Variants in SYNJ1 observed in about 807,000 individuals in gnomAD.
SYNJ1 encodes the protein polyphosphatidylinositol phosphatase SYNJ1.
SYNJ1 carries 78 observed loss-of-function variants against 168.2 expected under a neutral mutation model. The ratio of observed to expected loss-of-function variants is 0.46; its 90% CI spans 0.39 to 0.56. The LOEUF (loss-of-function observed/expected upper bound fraction) is 0.56, where lower values mean the gene tolerates loss of function less well. SYNJ1 is among the 20% of genes least tolerant of loss of function. The pLI is 0.00. For missense variants in SYNJ1, 1,303 were observed against 1,597.6 expected (o/e 0.82, Z 3.14); for synonymous variants, 539 against 548.6 (o/e 0.98, Z 0.24).
At chr21:32,638,447 A>G (rs1969590314) in intron 31 of SYNJ1, among the ~76,000 whole-genome samples, 2 of 152,216 alleles carry the variant, frequency 1.3e-5, no homozygotes, top group African/African-American at 4.8e-5. Context: ...CTGTAATCCC[A>G]GCACTTTGGG....
rs538298535 is a variant in SYNJ1, at chr21:32,630,068, G to A, written c.*1737C>T. 3 of 152,364 alleles carry A rather than the reference G, an allele frequency of 2.0e-5. No homozygotes were observed. The highest frequency in any genetic ancestry group is 7.2e-5 in the African/African-American group (3 of 41,578). The allele number at this position is 152,364 out of a possible 1,614,324, so 9.4% of individuals were successfully genotyped here. On this transcript the variant is annotated 3_prime_UTR_variant, in exon 33 of 33. Coordinates refer to ENST00000674351, the MANE Select transcript of SYNJ1 (RefSeq NM_203446.3). ...TATACTCGAACGTACGCAGAGAAGA[G>A]AGTACGGTTAGCTCTAATATTTCTC...
intron 18 of SYNJ1, among the ~76,000 whole-genome samples, chr21:32,663,871 G>A (rs1477299961): frequency 2.6e-5 from 4 of 152,176 alleles, no homozygotes; most frequent in Admixed American, 6.5e-5. Context: ...ATTGGCTCTC[G>A]ACTACTTGCT....
chr21:32,635,012 T>C, intron 31 of SYNJ1, 128 bp from the exon 32 acceptor site: 1 of 892,794 alleles, frequency 1.1e-6, no homozygotes, highest in Non-Finnish European at 1.8e-6. Flanking sequence ...GCAGCAATAT[T>C]TGCAGGTTGT....
At chr21:32,694,169 A>G (rs946563086) in intron 6 of SYNJ1, 59 bp downstream of exon 6, 65 of 1,243,042 alleles carry the variant, frequency 5.2e-5, no homozygotes, top group Non-Finnish European at 6.9e-5. Context: ...CTATCCAGAA[A>G]GTTTAGAAAA....
rs2040913545 is a variant in SYNJ1 at position 32,665,958 on chromosome 21, T to C, written c.2130A>G (p.Lys710=). Residue 710 remains lysine, a synonymous_variant, in exon 17 of 33, where the codon AAA becomes AAG. Coordinates refer to ENST00000674351, the MANE Select transcript of SYNJ1 (RefSeq NM_203446.3). ...RNEDFIEIAR[K]LSFPMGRMLF... is the part of the protein sequence containing the mutation. Reference sequence around the variant, plus strand: ...AAGAGCTTACCATAGGAAAACTCAATTTTCGTGCTATTTCTATAAAATCTT... The same window carrying C: ...AAGAGCTTACCATAGGAAAACTCAACTTTCGTGCTATTTCTATAAAATCTT... The C allele has an allele frequency of 4.4e-6, 7 of 1,608,624 alleles. No individual in the cohort carries two copies. The highest frequency in any genetic ancestry group is 5.9e-6 in the Non-Finnish European group (7 of 1,177,524).
At chr21:32,699,098 G>T (rs764749390) in intron 4 of SYNJ1, among the ~76,000 whole-genome samples, 1 of 151,946 alleles carries the variant, frequency 6.6e-6, no homozygotes, top group East Asian at 1.9e-4. Flanking sequence ...AGGAAAGATG[G>T]ATACACTCAA....
chr21:32,666,610 G>T, intron 15 of SYNJ1, 37 bp from the exon 16 acceptor site: 2 of 1,589,206 alleles, frequency 1.3e-6, no homozygotes, highest in Admixed American at 1.8e-5. Flanking sequence ...TTTTTAAAAA[G>T]GTATTGACAA....
At chr21:32,661,697 A>C (rs762606318) in intron 18 of SYNJ1, among the ~76,000 whole-genome samples, 4 of 152,154 alleles carry the variant, frequency 2.6e-5, no homozygotes, top group Non-Finnish European at 5.9e-5. Flanking sequence ...GTATGTCAGG[A>C]AACAGGATTA....
At chr21:32,708,675 C>A (rs2042704773) in intron 2 of SYNJ1, among the ~76,000 whole-genome samples, 1 of 152,144 alleles carries the variant, frequency 6.6e-6, no homozygotes, top group African/African-American at 2.4e-5. Flanking sequence ...GTACCTAACT[C>A]CCTCTATAGC....
chr21:32,638,426 G>A (rs964925836), intron 31 of SYNJ1, among the ~76,000 whole-genome samples: 2 of 152,198 alleles, frequency 1.3e-5, no homozygotes, highest in African/African-American at 2.4e-5. Context: ...GCTGGGCATG[G>A]TGGCTCACGC....
chr21:32,726,061 A>C (rs1006776335), intron 2 of SYNJ1, among the ~76,000 whole-genome samples: 1 of 152,074 alleles, frequency 6.6e-6, no homozygotes, highest in Non-Finnish European at 1.5e-5. Flanking sequence ...ACTGGTCTCA[A>C]ACTCCCCGCC....
chr21:32,701,333 T>C (rs142368363), intron 3 of SYNJ1, among the ~76,000 whole-genome samples: 1 of 152,172 alleles, frequency 6.6e-6, no homozygotes, highest in South Asian at 2.1e-4. Flanking sequence ...CACCCTTTAG[T>C]TGAGCTGACT....
chr21:32,719,808 A>G (rs563494659), intron 2 of SYNJ1, among the ~76,000 whole-genome samples: 1 of 152,084 alleles, frequency 6.6e-6, no homozygotes, highest in South Asian at 2.1e-4. Context: ...TTACTTATGA[A>G]GAAAATAAAT....
chr21:32,646,304 A>T, intron 24 of SYNJ1, 89 bp downstream of exon 24: 1 of 1,307,750 alleles, frequency 7.6e-7, no homozygotes. Flanking sequence ...GCACTTTATC[A>T]CCTAGGTATG....
At chr21:32,697,758 G>T (rs1440580495) in intron 4 of SYNJ1, among the ~76,000 whole-genome samples, 1 of 152,218 alleles carries the variant, frequency 6.6e-6, no homozygotes, top group Admixed American at 6.5e-5. Context: ...CCAAGATCGC[G>T]CCACTGCGCT....
At position 32,639,033 on chromosome 21, in the gene SYNJ1, G is replaced by T; in HGVS notation, c.3790C>A (p.Leu1264Ile). 1.9e-6 allele frequency: 3 copies of T among 1,614,096 alleles called. No individual in the cohort carries two copies. ...PPPAQRLQEP[L>I]VPVAAPMPQS... ...GGCATAGGTGCTGCCACAGGGACAA[G>T]AGGCTCTTGCAACCTTTGAGCAGGC... is the stretch of plus-strand genomic sequence containing the variant. The change falls in exon 31 of 33, where the codon CTT (leucine) becomes ATT (isoleucine). Residue 1264 changes from leucine (L) to isoleucine (I), a missense_variant. By Grantham distance (5) the Leu-to-Ile change is conservative. Coordinates refer to ENST00000674351, the MANE Select transcript of SYNJ1 (RefSeq NM_203446.3).
chr21:32,709,480 A>G (rs1385784876), intron 2 of SYNJ1, among the ~76,000 whole-genome samples: 1 of 144,236 alleles, frequency 6.9e-6, no homozygotes, highest in African/African-American at 2.5e-5. Context: ...TCTGTCTCAA[A>G]AAAAAAAAAA....
At chr21:32,679,239 T>A (rs1215799761) in intron 11 of SYNJ1, among the ~76,000 whole-genome samples, 2 of 152,160 alleles carry the variant, frequency 1.3e-5, no homozygotes, top group Non-Finnish European at 2.9e-5. Flanking sequence ...AACTTCAAAT[T>A]ACTTTGGTAG....
intron 13 of SYNJ1, among the ~76,000 whole-genome samples, chr21:32,673,759 T>G (rs1389652677): frequency 1.3e-5 from 2 of 148,460 alleles, no homozygotes; most frequent in Non-Finnish European, 3.0e-5. Context: ...CAACATTAAA[T>G]ACAATAGCCA....
Sources: gnomAD v4.1 joint callset for allele counts (sites outside exome capture counted in the v4.1 genomes callset) on GRCh38, gnomAD v4.1.1 for gene constraint, MANE v1.5 for transcripts, NCBI Gene and HGNC (gene_info 2026-07-23, HGNC 2026-07-21) for gene names.